The following GMDS variants were observed in gnomAD, a reference collection of about 807,000 sequenced individuals.
GMDS encodes the protein GDP-mannose 4,6-dehydratase.
GMDS carries 20 observed loss-of-function variants against 49.9 expected under a neutral mutation model. The observed-to-expected ratio is 0.40, with a 90% CI of 0.28 to 0.58. The LOEUF is 0.58. Ranked by LOEUF, GMDS falls within the 20% of genes least tolerant of loss-of-function variation. The pLI is 0.42. For missense variants in GMDS, 362 were observed against 481.4 expected, an observed-to-expected ratio of 0.75 and a Z score of 2.32; for synonymous variants, 177 against 178.6, an observed-to-expected ratio of 0.99 and a Z score of 0.07.
At chr6:2,013,377 G>C (rs1767684272) in intron 4 of GMDS, among the ~76,000 whole-genome samples, 1 of 152,000 alleles carries the variant, frequency 6.6e-6, no homozygotes, top group South Asian at 2.1e-4. Context: ...TACTTGACAA[G>C]TCAAGTCCAG....
chr6:1,639,574 G>C (rs1023004617), intron 9 of GMDS, among the ~76,000 whole-genome samples: 1 of 152,228 alleles, frequency 6.6e-6, no homozygotes, highest in Non-Finnish European at 1.5e-5. Context: ...ATCGCCAGCT[G>C]AGCATGAGCT....
At chr6:2,152,355 A>G (rs1419491871) in intron 1 of GMDS, among the ~76,000 whole-genome samples, 1 of 152,180 alleles carries the variant, frequency 6.6e-6, no homozygotes, top group Non-Finnish European at 1.5e-5. Flanking sequence ...AAAGAAGACT[A>G]AAATTATCAT....
At chr6:2,135,154 T>C (rs1775930447) in intron 1 of GMDS, among the ~76,000 whole-genome samples, 1 of 152,168 alleles carries the variant, frequency 6.6e-6, no homozygotes, top group Non-Finnish European at 1.5e-5. Context: ...CAAAATAAGA[T>C]GCCACAGCAG....
intron 8 of GMDS, among the ~76,000 whole-genome samples, chr6:1,740,374 T>C (rs1220583362): frequency 6.6e-6 from 1 of 152,074 alleles, no homozygotes; most frequent in African/African-American, 2.4e-5. Context: ...CTGGCCAATA[T>C]GGTAAAACCC....
At chr6:1,882,262 ACT>A (rs1759397642) in intron 7 of GMDS, among the ~76,000 whole-genome samples, 2 of 152,170 alleles carry the variant, frequency 1.3e-5, no homozygotes, top group African/African-American at 2.4e-5. Flanking sequence ...GACATACAAT[ACT>A]CTCAGTGTAC....
At chr6:2,099,393 T>G (rs1387217205) in intron 4 of GMDS, among the ~76,000 whole-genome samples, 1 of 152,120 alleles carries the variant, frequency 6.6e-6, no homozygotes, top group African/African-American at 2.4e-5. Context: ...TTTTCCCTGG[T>G]GAGCAATTTT....
chr6:1,857,426 G>T (rs1430064650), intron 7 of GMDS, among the ~76,000 whole-genome samples: 2 of 152,246 alleles, frequency 1.3e-5, no homozygotes, highest in African/African-American at 4.8e-5. Context: ...GATCTGGGCT[G>T]AGAGTTGCTG....
At chr6:1,933,992 T>A (rs1272552078) in intron 6 of GMDS, among the ~76,000 whole-genome samples, 1 of 152,202 alleles carries the variant, frequency 6.6e-6, no homozygotes, top group Non-Finnish European at 1.5e-5. Flanking sequence ...TATATTTTTA[T>A]GAGTTTTATA....
intron 6 of GMDS, among the ~76,000 whole-genome samples, chr6:1,938,921 C>CCCTT (rs1233681145): frequency 3.3e-5 from 5 of 150,246 alleles, no homozygotes; most frequent in African/African-American, 1.2e-4. Flanking sequence ...GGCCATTTAA[C>CCCTT]CCTTCCTTCT....
chr6:1,700,712 C>T (rs76342682), intron 9 of GMDS, among the ~76,000 whole-genome samples: 5,556 of 152,178 alleles, frequency 0.037, 250 homozygotes, highest in Admixed American at 0.09. Flanking sequence ...ATGTCCTATG[C>T]GGTGGCAAGA....
intron 6 of GMDS, among the ~76,000 whole-genome samples, chr6:1,943,913 C>T (rs1762935425): frequency 6.6e-6 from 1 of 152,164 alleles, no homozygotes; most frequent in Non-Finnish European, 1.5e-5. Context: ...TCAATATATT[C>T]AGTCTATGTA....
intron 1 of GMDS, among the ~76,000 whole-genome samples, chr6:2,209,671 G>C (rs915825797): frequency 2.7e-5 from 4 of 150,764 alleles, no homozygotes; most frequent in African/African-American, 9.8e-5. Context: ...CCTATGTTTA[G>C]CATTATCAAA....
intron 7 of GMDS, among the ~76,000 whole-genome samples, chr6:1,815,578 A>C (rs1368440021): frequency 6.6e-6 from 1 of 152,200 alleles, no homozygotes; most frequent in Non-Finnish European, 1.5e-5. Context: ...AAAACAGTCT[A>C]AATTTTTGTT....
rs557634599 is a variant in GMDS, at chr6:1,662,332, C to T, written c.988-37792G>A. 2.0e-5 allele frequency among the ~76,000 whole-genome samples: 3 copies of T among 152,256 alleles called. 1 individual carries two copies. The South Asian group carries it at 6.2e-4, about 32-fold the overall frequency. ...CCACACCACCACAGACAGGTAAGGA[C>T]TCTGGACGTTGGAAACAGTGACATG... On this transcript the variant is annotated intron_variant, in intron 9 of 10. Coordinates refer to ENST00000380815, the MANE Select transcript of GMDS (RefSeq NM_001500.4).
At chr6:2,045,531 TA>T (rs1351788743) in intron 4 of GMDS, among the ~76,000 whole-genome samples, 1 of 152,200 alleles carries the variant, frequency 6.6e-6, no homozygotes, top group Non-Finnish European at 1.5e-5. Context: ...AGTTTCAGTT[TA>T]TTTTTTTAAT....
chr6:1,686,194 G>A (rs1251280957), intron 9 of GMDS, among the ~76,000 whole-genome samples: 1 of 152,152 alleles, frequency 6.6e-6, no homozygotes, highest in Non-Finnish European at 1.5e-5. Context: ...CTCCTGCTCT[G>A]CACTCTGAAA....
chr6:2,217,675 T>TA (rs1780403198), intron 1 of GMDS, among the ~76,000 whole-genome samples: 1 of 152,156 alleles, frequency 6.6e-6, no homozygotes, highest in East Asian at 1.9e-4. Context: ...TAAGGCCTGG[T>TA]ATATATAAGC....
intron 1 of GMDS, among the ~76,000 whole-genome samples, chr6:2,229,925 G>A (rs1781000245): frequency 6.6e-6 from 1 of 152,170 alleles, no homozygotes; most frequent in South Asian, 2.1e-4. Flanking sequence ...TAGAGCCCCA[G>A]GGAAGCAGCT....
chr6:1,891,332 T>C (rs1434247758), intron 7 of GMDS, among the ~76,000 whole-genome samples: 2 of 152,186 alleles, frequency 1.3e-5, no homozygotes, highest in African/African-American at 4.8e-5. Flanking sequence ...TCCAACCTAC[T>C]ATACAGCTAG....
Sources: gnomAD v4.1 joint callset for allele counts (sites outside exome capture counted in the v4.1 genomes callset) on GRCh38, gnomAD v4.1.1 for gene constraint, MANE v1.5 for transcripts, NCBI Gene and HGNC (gene_info 2026-07-23, HGNC 2026-07-21) for gene names.